Variants in GGNBP2 observed in about 807,000 individuals in gnomAD.
GGNBP2 encodes the protein gametogenetin binding protein 2.
A neutral mutation model predicts 85.9 loss-of-function variants in GGNBP2; 10 were observed. That is an observed-to-expected ratio of 0.12 (90% CI 0.07 to 0.20). The LOEUF is 0.20. Ranked by LOEUF, GGNBP2 falls within the 10% of genes least tolerant of loss-of-function variation. GGNBP2 has a pLI of 1.00. For missense variants in GGNBP2, 595 were observed against 857.8 expected, an observed-to-expected ratio of 0.69 and a Z score of 3.83; for synonymous variants, 287 against 285.7, an observed-to-expected ratio of 1.00 and a Z score of -0.05.
chr17:36,562,057 G>A (rs771223127), intron 5 of GGNBP2, among the ~76,000 whole-genome samples: 2 of 152,184 alleles, frequency 1.3e-5, no homozygotes, highest in Non-Finnish European at 2.9e-5. Flanking sequence ...AAATTGCCTG[G>A]GGGTGGGGAT....
At chr17:36,565,694 G>A (rs751234234) in intron 5 of GGNBP2, among the ~76,000 whole-genome samples, 1 of 152,032 alleles carries the variant, frequency 6.6e-6, no homozygotes, top group African/African-American at 2.4e-5. Flanking sequence ...TCAGGAGTTC[G>A]CGACCAGCCT....
At chr17:36,563,589 G>GT (rs199777252) in intron 5 of GGNBP2, among the ~76,000 whole-genome samples, 8,515 of 129,590 alleles carry the variant, frequency 0.066, 641 homozygotes, top group African/African-American at 0.19. Context: ...CCTGTTTCTG[G>GT]TTTTTTTTTT....
intron 6 of GGNBP2, among the ~76,000 whole-genome samples, chr17:36,575,746 A>T (rs945131234): frequency 6.8e-5 from 10 of 146,620 alleles, no homozygotes; most frequent in African/African-American, 2.5e-4. Flanking sequence ...TCCCGGGTTC[A>T]AGCAATTCTC....
chr17:36,586,153 TAAAAAG>T lies in GGNBP2; in HGVS notation c.1599_1604del (p.Lys537_Lys538del), dbSNP rs1370313857. 1.9e-6 allele frequency: 3 copies of T among 1,613,474 alleles called. No individual in the cohort carries two copies. Among genetic ancestry groups the T allele is most frequent in the Non-Finnish European group, 1.7e-6 (2 of 1,179,850 alleles). ...AAGAGAACGACACAAAAGGAAAAAA[TAAAAAG>T]AAGAAGAAGAAAAGCAAGATACTGA... On this transcript the variant is annotated inframe_deletion, in exon 12 of 14. Transcript: ENST00000613102.
chr17:36,578,556 C>A (rs190036019), intron 7 of GGNBP2: 1 of 189,248 alleles, frequency 5.3e-6, no homozygotes, highest in Non-Finnish European at 1.1e-5. Flanking sequence ...TAAGTCAGAT[C>A]TTTGCAGTAG....
At chr17:36,580,669 C>T (rs1179523704) in intron 8 of GGNBP2, among the ~76,000 whole-genome samples, 1 of 151,946 alleles carries the variant, frequency 6.6e-6, no homozygotes, top group Non-Finnish European at 1.5e-5. Flanking sequence ...CCTGTAATCC[C>T]AGCACTTTGG....
chr17:36,550,435 G>C (rs577474114), intron 2 of GGNBP2, among the ~76,000 whole-genome samples: 3 of 152,126 alleles, frequency 2.0e-5, no homozygotes, highest in Non-Finnish European at 4.4e-5. Flanking sequence ...TTGGGAATTA[G>C]ATGTTTTGTA....
intron 12 of GGNBP2, 85 bp downstream of exon 12, chr17:36,586,283 A>G: frequency 6.7e-7 from 1 of 1,487,412 alleles, no homozygotes; most frequent in Non-Finnish European, 8.9e-7. Flanking sequence ...TGTGCAGCTT[A>G]GCTGCTAGGA....
intron 6 of GGNBP2, chr17:36,575,085 G>C: frequency 1.1e-6 from 1 of 919,552 alleles, no homozygotes; most frequent in Non-Finnish European, 1.7e-6. Flanking sequence ...TTCATGGGCA[G>C]GGAGAAGACA....
Position 36,581,327 on chromosome 17 carries a change from C to T in GGNBP2, c.1021-17C>T. The T allele has an allele frequency of 3.9e-6, 6 of 1,534,952 alleles. No individual in the cohort carries two copies. The South Asian group carries it at 6.0e-5, about 15-fold the overall frequency. ...AGTTCTGACCAATATTCACCCTCAA[C>T]CTTATTTTTATAATAGATGACCGTG... On this transcript the variant is annotated splice_polypyrimidine_tract_variant and intron_variant, in intron 8 of 13. Transcript: ENST00000613102.
intron 9 of GGNBP2, among the ~76,000 whole-genome samples, chr17:36,583,432 CT>C (rs1203226695): frequency 6.6e-6 from 1 of 151,940 alleles, no homozygotes; most frequent in Non-Finnish European, 1.5e-5. Context: ...TGAAGAAAGT[CT>C]AGTCTCACAC....
In GGNBP2 at chr17:36,557,151, T is replaced by C. The variant is rs2074370401; in HGVS notation, c.243T>C (p.Ser81=). ...TGGTGACATCACGCGAAGTCCTGAGTGCACTTTCTCAGCTTGTCCCATGTG... is the reference window on the plus strand; with the variant it reads ...TGGTGACATCACGCGAAGTCCTGAGCGCACTTTCTCAGCTTGTCCCATGTG... ...AMVVTSREVL[S]ALSQLVPCVG... The change falls in exon 4 of 14, where the codon AGT becomes AGC. Residue 81 remains serine, a synonymous_variant. Coordinates refer to ENST00000613102, the MANE Select transcript of GGNBP2 (RefSeq NM_024835.5). 4 of 1,614,106 alleles carry C rather than the reference T, an allele frequency of 2.5e-6. No homozygotes were observed. Among genetic ancestry groups the C allele is most frequent in the Non-Finnish European group, 1.7e-6 (2 of 1,180,022 alleles).
At position 36,589,358 on chromosome 17, in the gene GGNBP2, G is replaced by A; in HGVS notation, c.2041G>A (p.Asp681Asn). The A allele has an allele frequency of 1.2e-6, 2 of 1,614,040 alleles. No homozygotes were observed. Among genetic ancestry groups the A allele is most frequent in the Non-Finnish European group, 8.5e-7 (1 of 1,179,946 alleles). ...ATTTAATAAATACTGCCGGTTAAAT[G>A]ATCACAAGAGGCCCATTTGTAGTGG... ...EKFNKYCRLN[D>N]HKRPICSGWL... Residue 681 changes from aspartate (D) to asparagine (N), a missense_variant, in exon 14 of 14, where the codon GAT (aspartate) becomes AAT (asparagine). Asp to Asn is a conservative substitution (Grantham distance 23). Coordinates refer to ENST00000613102, the MANE Select transcript of GGNBP2 (RefSeq NM_024835.5).
At chr17:36,553,318 C>T (rs951880958) in intron 2 of GGNBP2, among the ~76,000 whole-genome samples, 12 of 152,132 alleles carry the variant, frequency 7.9e-5, no homozygotes, top group Non-Finnish European at 1.5e-4. Context: ...CATAGTCTAT[C>T]CTTTAGTATC....
intron 6 of GGNBP2, among the ~76,000 whole-genome samples, chr17:36,572,313 G>A (rs2074533777): frequency 1.3e-5 from 2 of 152,146 alleles, no homozygotes; most frequent in South Asian, 2.1e-4. Flanking sequence ...TGAAAATGTG[G>A]AAGTATTTGT....
chr17:36,575,650 T>TATATATATATATATATATA (rs2074572823), intron 6 of GGNBP2, among the ~76,000 whole-genome samples: 1 of 59,236 alleles, frequency 1.7e-5, no homozygotes, highest in Non-Finnish European at 2.9e-5. Flanking sequence ...ATATATATAT[T>TATATATATATATATATATA]TTTTTTTTTT....
chr17:36,575,629 TATATATATATA>T (rs2074569928), intron 6 of GGNBP2, among the ~76,000 whole-genome samples: 1 of 42,926 alleles, frequency 2.3e-5, no homozygotes, highest in African/African-American at 1.0e-4. Flanking sequence ...TATATATATA[TATATATATATA>T]TATATATATT....
chr17:36,564,794 G>A (rs1295973772), intron 5 of GGNBP2, among the ~76,000 whole-genome samples: 1 of 146,522 alleles, frequency 6.8e-6, no homozygotes, highest in African/African-American at 2.6e-5. Context: ...AATTTGTTTA[G>A]TCTATTTCCA....
chr17:36,579,088 T>TG (rs373008478), intron 7 of GGNBP2, 157 bp from the exon 8 acceptor site: 120 of 605,340 alleles, frequency 2.0e-4, no homozygotes, highest in African/African-American at 1.9e-3. Context: ...GTTGTGGACA[T>TG]GCATGCTTGT....
Sources: allele counts gnomAD v4.1 joint callset (sites outside exome capture counted in the v4.1 genomes callset), GRCh38; gene constraint gnomAD v4.1.1; transcripts MANE v1.5; gene names NCBI Gene and HGNC (gene_info 2026-07-23, HGNC 2026-07-21).